PDSS2: variants seen among roughly 807,000 people sequenced by gnomAD.
PDSS2 encodes the protein all trans-polyprenyl-diphosphate synthase PDSS2.
Under a neutral mutation model 44.5 loss-of-function variants are expected in PDSS2, and 31 were observed. The ratio of observed to expected loss-of-function variants is 0.70; its 90% CI spans 0.52 to 0.94. The LOEUF (loss-of-function observed/expected upper bound fraction) is 0.94, where lower values mean the gene tolerates loss of function less well. Ranked by LOEUF, PDSS2 falls within the 40% of genes least tolerant of loss-of-function variation. The pLI is 0.00. For synonymous variants in PDSS2, 157 were observed against 180.3 expected, an observed-to-expected ratio of 0.87 and a Z score of 1.03; for missense variants, 452 against 482.2, an observed-to-expected ratio of 0.94 and a Z score of 0.59.
intron 1 of PDSS2, among the ~76,000 whole-genome samples, chr6:107,387,395 C>T (rs1779643980): frequency 1.3e-5 from 2 of 152,182 alleles, no homozygotes. Context: ...CATGAATGAA[C>T]TGCTCAAAAA....
chr6:107,448,464 T>G (rs142527807), intron 1 of PDSS2, among the ~76,000 whole-genome samples: 1 of 152,244 alleles, frequency 6.6e-6, no homozygotes, highest in Non-Finnish European at 1.5e-5. Context: ...TGCTAAAGCA[T>G]AGCAAGAGTG....
At chr6:107,433,113 C>T (rs191131780) in intron 1 of PDSS2, among the ~76,000 whole-genome samples, 2 of 152,180 alleles carry the variant, frequency 1.3e-5, no homozygotes, top group African/African-American at 4.8e-5. Flanking sequence ...TAGTAAAAAT[C>T]ATCCAGGATG....
intron 4 of PDSS2, among the ~76,000 whole-genome samples, chr6:107,225,981 T>C (rs936873491): frequency 2.0e-5 from 3 of 152,218 alleles, no homozygotes; most frequent in Non-Finnish European, 4.4e-5. Flanking sequence ...TACAGTCTAA[T>C]GGGGAAGCCA....
intron 7 of PDSS2, among the ~76,000 whole-genome samples, chr6:107,171,838 T>C (rs1771589129): frequency 6.6e-6 from 1 of 152,120 alleles, no homozygotes. Context: ...AAAAAGGCAT[T>C]TCCATTCCTG....
chr6:107,178,257 G>A (rs190583705), intron 7 of PDSS2, among the ~76,000 whole-genome samples: 33 of 152,286 alleles, frequency 2.2e-4, no homozygotes, highest in African/African-American at 7.2e-4. Flanking sequence ...CTTCAGCCAC[G>A]TCTTCTAGGT....
intron 1 of PDSS2, among the ~76,000 whole-genome samples, chr6:107,334,784 G>C (rs940482809): frequency 1.3e-5 from 2 of 150,736 alleles, no homozygotes; most frequent in Non-Finnish European, 2.9e-5. Context: ...CTGGACACAA[G>C]CAATCTTTCT....
At chr6:107,246,384 T>C (rs1774614880) in intron 3 of PDSS2, among the ~76,000 whole-genome samples, 1 of 152,184 alleles carries the variant, frequency 6.6e-6, no homozygotes, top group Non-Finnish European at 1.5e-5. Flanking sequence ...TTTATGATAA[T>C]GTTCAATGTA....
At chr6:107,299,017 G>A (rs1323174233) in intron 2 of PDSS2, among the ~76,000 whole-genome samples, 5 of 151,688 alleles carry the variant, frequency 3.3e-5, no homozygotes, top group East Asian at 1.9e-4. Context: ...GGCACAGGCC[G>A]GTAGTCCCAG....
At chr6:107,333,080 G>A (rs1011011631) in intron 2 of PDSS2, among the ~76,000 whole-genome samples, 2 of 151,938 alleles carry the variant, frequency 1.3e-5, no homozygotes, top group South Asian at 4.2e-4. Context: ...AAGACCACTA[G>A]AAATAAAATT....
At chr6:107,268,008 C>A (rs564373605) in intron 3 of PDSS2, among the ~76,000 whole-genome samples, 1 of 151,978 alleles carries the variant, frequency 6.6e-6, no homozygotes, top group African/African-American at 2.4e-5. Context: ...CCTTAAATTC[C>A]GCAGGTCTAC....
Position 107,168,148 on chromosome 6 carries a change from A to T in PDSS2, c.1042-13371T>A, listed in dbSNP as rs1771423022. On this transcript the variant is annotated intron_variant, in intron 7 of 7. Coordinates refer to ENST00000369037, the MANE Select transcript of PDSS2 (RefSeq NM_020381.4). ...TAGGTCTCTAAGGACTTGCTTTATG[A>T]ATCTGGGTGCTCCTGTATTGGGTGC... Among the ~76,000 whole-genome samples the T allele has an allele frequency of 3.9e-5, 6 of 152,154 alleles. No individual in the cohort carries two copies. The South Asian group carries it at 1.0e-3, about 26-fold the overall frequency.
intron 1 of PDSS2, among the ~76,000 whole-genome samples, chr6:107,370,716 A>T (rs1055754044): frequency 6.6e-6 from 1 of 152,238 alleles, no homozygotes; most frequent in Non-Finnish European, 1.5e-5. Flanking sequence ...AGACCTACAC[A>T]TAACAACTCA....
At chr6:107,230,433 G>C (rs1447931111) in intron 4 of PDSS2, among the ~76,000 whole-genome samples, 1 of 152,080 alleles carries the variant, frequency 6.6e-6, no homozygotes, top group Non-Finnish European at 1.5e-5. Flanking sequence ...GCTTGGCCTA[G>C]ACCACCAGTT....
intron 2 of PDSS2, among the ~76,000 whole-genome samples, chr6:107,314,300 C>T (rs1582929413): frequency 6.6e-6 from 1 of 152,070 alleles, no homozygotes; most frequent in East Asian, 1.9e-4. Flanking sequence ...GCTCCAAATA[C>T]TCTATGACAA....
intron 7 of PDSS2, among the ~76,000 whole-genome samples, chr6:107,165,301 T>G (rs1771302879): frequency 1.3e-5 from 2 of 152,264 alleles, no homozygotes; most frequent in African/African-American, 4.8e-5. Flanking sequence ...GTTTTAGGTC[T>G]AACATTTAAA....
chr6:107,429,923 TATATATATATATATAC>T (rs1781137474), intron 1 of PDSS2, among the ~76,000 whole-genome samples: 2 of 112,382 alleles, frequency 1.8e-5, no homozygotes, highest in Non-Finnish European at 3.5e-5. Flanking sequence ...TATATATATA[TATATATATATATATAC>T]ACCAAACCCA....
intron 7 of PDSS2, among the ~76,000 whole-genome samples, chr6:107,182,261 A>C (rs1772010682): frequency 1.3e-5 from 2 of 152,204 alleles, no homozygotes; most frequent in African/African-American, 4.8e-5. Flanking sequence ...GCTAATAATA[A>C]GGCACAACTC....
At chr6:107,407,504 G>T (rs182892816) in intron 1 of PDSS2, among the ~76,000 whole-genome samples, 51 of 152,192 alleles carry the variant, frequency 3.4e-4, no homozygotes, top group African/African-American at 1.1e-3. Flanking sequence ...GAGGTATGAG[G>T]AATTTGTTTT....
At chr6:107,246,414 C>A (rs1313898261) in intron 3 of PDSS2, among the ~76,000 whole-genome samples, 1 of 152,100 alleles carries the variant, frequency 6.6e-6, no homozygotes, top group Non-Finnish European at 1.5e-5. Context: ...AATAAGAATT[C>A]CTCAAGGCAA....
Sources: allele counts gnomAD v4.1 joint callset (sites outside exome capture counted in the v4.1 genomes callset), GRCh38; gene constraint gnomAD v4.1.1; transcripts MANE v1.5; gene names NCBI Gene and HGNC (gene_info 2026-07-23, HGNC 2026-07-21).